The following PREX2 variants were observed in gnomAD, a reference collection of about 807,000 sequenced individuals.
PREX2 encodes phosphatidylinositol 3,4,5-trisphosphate-dependent Rac exchanger 2 protein.
A neutral mutation model predicts 203.2 loss-of-function variants in PREX2; 107 were observed. The ratio of observed to expected loss-of-function variants is 0.53; its 90% CI spans 0.45 to 0.62. PREX2 has a LOEUF of 0.62. PREX2 is among the 20% of genes least tolerant of loss of function. The probability of loss-of-function intolerance (pLI) is 0.00; values close to 1 mark genes in which losing one functional copy is unlikely to be tolerated. For synonymous variants in PREX2, 672 were observed against 663.6 expected, an observed-to-expected ratio of 1.01 and a Z score of -0.19; for missense variants, 1,777 against 1,955.9, an observed-to-expected ratio of 0.91 and a Z score of 1.72.
chr8:67,963,052 T>C (rs1231692820), intron 1 of PREX2, among the ~76,000 whole-genome samples: 3 of 152,202 alleles, frequency 2.0e-5, no homozygotes, highest in Non-Finnish European at 4.4e-5. Flanking sequence ...TTTTCTTCTA[T>C]AGTGATAAAA....
chr8:68,216,922 A>G (rs1270494855), intron 37 of PREX2, among the ~76,000 whole-genome samples: 1 of 150,772 alleles, frequency 6.6e-6, no homozygotes, highest in African/African-American at 2.4e-5. Flanking sequence ...AGGATGCGCC[A>G]CTGCACTCCA....
intron 35 of PREX2, among the ~76,000 whole-genome samples, chr8:68,164,860 G>A (rs961869790): frequency 2.0e-5 from 3 of 149,554 alleles, no homozygotes; most frequent in African/African-American, 7.4e-5. Flanking sequence ...GGGATTACAG[G>A]TGTGAGCCAC....
At chr8:68,147,899 G>C (rs962118254) in intron 34 of PREX2, among the ~76,000 whole-genome samples, 1 of 152,070 alleles carries the variant, frequency 6.6e-6, no homozygotes, top group Non-Finnish European at 1.5e-5. Flanking sequence ...AACAAAAAAA[G>C]AAGCAGTGGG....
At chr8:68,033,488 T>C (rs1807944237) in intron 6 of PREX2, among the ~76,000 whole-genome samples, 1 of 152,182 alleles carries the variant, frequency 6.6e-6, no homozygotes, top group Non-Finnish European at 1.5e-5. Flanking sequence ...CTTAGGGTTA[T>C]ATGGTTCTAA....
chr8:68,034,676 C>T (rs1168131019), intron 6 of PREX2, among the ~76,000 whole-genome samples: 1 of 152,104 alleles, frequency 6.6e-6, no homozygotes, highest in Non-Finnish European at 1.5e-5. Context: ...TGGAAAAATA[C>T]AGTGCTACGG....
chr8:68,022,908 T>C (rs1482472736), intron 4 of PREX2, among the ~76,000 whole-genome samples: 1 of 152,212 alleles, frequency 6.6e-6, no homozygotes, highest in African/African-American at 2.4e-5. Context: ...CCTGACTTCT[T>C]TAACTTAGTA....
chr8:68,203,120 C>A (rs1034108491), intron 37 of PREX2, among the ~76,000 whole-genome samples: 1 of 152,170 alleles, frequency 6.6e-6, no homozygotes, highest in African/African-American at 2.4e-5. Context: ...TCATTCTAAT[C>A]AAATGCCACA....
intron 1 of PREX2, among the ~76,000 whole-genome samples, chr8:67,954,297 T>G (rs906134073): frequency 5.3e-5 from 8 of 152,236 alleles, no homozygotes; most frequent in African/African-American, 1.9e-4. Flanking sequence ...TATGTTTATA[T>G]GCACAAATGC....
chr8:68,103,590 C>T (rs1157680794), intron 23 of PREX2: 1 of 518,952 alleles, frequency 1.9e-6, no homozygotes, highest in Non-Finnish European at 3.8e-6. Context: ...TCTATACCTG[C>T]TTTCTCACCT....
intron 30 of PREX2, among the ~76,000 whole-genome samples, 192 bp downstream of exon 30, chr8:68,121,241 G>A (rs1382451875): frequency 6.6e-6 from 1 of 152,052 alleles, no homozygotes; most frequent in Non-Finnish European, 1.5e-5. Context: ...GTGTCCCAAG[G>A]TTATAAACAT....
chr8:68,069,110 A>T lies in PREX2; in HGVS notation c.1417A>T (p.Asn473Tyr), dbSNP rs1249577384. The change falls in exon 12 of 40, where the codon AAT becomes TAT. Residue 473 changes from asparagine (N) to tyrosine (Y), a missense_variant. Asn to Tyr is a moderately radical substitution (Grantham distance 143). Transcript: ENST00000288368. The part of the protein sequence containing the change: ...RYDDGTFYPR[N>Y]EMQDVISKGV... The stretch of plus-strand genomic sequence containing the variant: ...TGATGATGGAACATTTTATCCAAGA[A>T]ATGAGATGCAGGACGTGATTTCAAA... The T allele has an allele frequency of 6.4e-7, 1 of 1,572,384 alleles. No homozygotes were observed. The highest frequency in any genetic ancestry group is 1.2e-5 in the South Asian group (1 of 85,232).
At chr8:67,957,866 G>T (rs559599346) in intron 1 of PREX2, among the ~76,000 whole-genome samples, 19 of 152,320 alleles carry the variant, frequency 1.2e-4, no homozygotes, top group Admixed American at 1.1e-3. Flanking sequence ...TGTATTTGTA[G>T]ATAGGGCCTT....
At chr8:68,174,344 G>A (rs1456163111) in intron 35 of PREX2, among the ~76,000 whole-genome samples, 4 of 152,042 alleles carry the variant, frequency 2.6e-5, no homozygotes, top group African/African-American at 9.7e-5. Flanking sequence ...TATAAAATTA[G>A]CTGCCTGGTT....
chr8:68,066,464 T>TTA (rs1809019689), intron 11 of PREX2, among the ~76,000 whole-genome samples: 1 of 152,178 alleles, frequency 6.6e-6, no homozygotes, highest in Non-Finnish European at 1.5e-5. Flanking sequence ...TCCCTGATGA[T>TTA]TAGAGATGTT....
chr8:67,959,414 A>G (rs1482271055), intron 1 of PREX2, among the ~76,000 whole-genome samples: 2 of 152,120 alleles, frequency 1.3e-5, no homozygotes, highest in Non-Finnish European at 2.9e-5. Context: ...CTATTCAAGG[A>G]GTTTGGTGGT....
At chr8:68,141,612 T>G (rs2129613564) in intron 33 of PREX2, among the ~76,000 whole-genome samples, 1 of 152,328 alleles carries the variant, frequency 6.6e-6, no homozygotes, top group African/African-American at 2.4e-5. Flanking sequence ...CAGAAGTAGC[T>G]TTTAAGCTGA....
intron 1 of PREX2, among the ~76,000 whole-genome samples, chr8:67,994,015 A>G (rs1585686895): frequency 6.6e-6 from 1 of 152,248 alleles, no homozygotes; most frequent in South Asian, 2.1e-4. Flanking sequence ...TGGAGCAACT[A>G]TAGGAAGATA....
chr8:68,133,950 G>A (rs377130683), intron 31 of PREX2, 109 bp from the exon 32 acceptor site: 336 of 819,342 alleles, frequency 4.1e-4, no homozygotes, highest in Non-Finnish European at 6.4e-4. Context: ...TTTCACATGC[G>A]TGAGTTTAGT....
chr8:68,027,429 G>A lies in PREX2; in HGVS notation c.543+106G>A, dbSNP rs186701335. On this transcript the variant is annotated intron_variant, in intron 5 of 39. Transcript: ENST00000288368. ...ATGAGTCTGATATTCTAAAGGAAGC[G>A]TAGACCATAAGTATTGGAAAAAAGT... 6.2e-4 allele frequency: 462 copies of A among 747,808 alleles called. 3 individuals carry two copies. In the African/African-American group the frequency reaches 7.0e-3, roughly 11 times the overall value. 46.3% of individuals were successfully genotyped at this position (747,808 alleles called of 1,614,324 possible). A position where few individuals can be genotyped will look rare whatever the true frequency, so the allele number is the denominator to read the frequency against.
Sources: allele counts gnomAD v4.1 joint callset (sites outside exome capture counted in the v4.1 genomes callset), GRCh38; gene constraint gnomAD v4.1.1; transcripts MANE v1.5; gene names NCBI Gene and HGNC (gene_info 2026-07-23, HGNC 2026-07-21).